SPRYD3: variants seen among roughly 807,000 people sequenced by gnomAD.
SPRYD3 encodes SPRY domain-containing protein 3.
SPRYD3 carries 17 observed loss-of-function variants against 50.1 expected under a neutral mutation model. The ratio of observed to expected loss-of-function variants is 0.34; its 90% CI spans 0.23 to 0.51. SPRYD3 has a LOEUF of 0.51. Among genes scored for constraint, SPRYD3 ranks in the 20% least tolerant of loss-of-function variants. The pLI, the probability that SPRYD3 is intolerant of heterozygous loss-of-function variation, is 0.97. For synonymous variants in SPRYD3, 198 were observed against 215.5 expected (o/e 0.92, Z 0.71); for missense variants, 401 against 591.2 (o/e 0.68, Z 3.34).
chr12:53,069,484 G>A (rs1235341814), intron 6 of SPRYD3, among the ~76,000 whole-genome samples: 2 of 140,324 alleles, frequency 1.4e-5, no homozygotes, highest in South Asian at 2.2e-4. Context: ...AGCCTCAGAC[G>A]GCCGCTGCTT....
chr12:53,073,843 C>CAAA (rs1179115235), intron 5 of SPRYD3, among the ~76,000 whole-genome samples: 1 of 63,636 alleles, frequency 1.6e-5, no homozygotes. Context: ...GACTCCATTT[C>CAAA]AAAAAAAAAA....
chr12:53,075,336 A>G lies in SPRYD3; in HGVS notation c.247-117T>C, dbSNP rs78643284. The G allele has an allele frequency of 2.2e-4, 241 of 1,095,610 alleles. 3 individuals carry two copies. In the East Asian group the frequency reaches 5.5e-3, roughly 25 times the overall value. The allele number at this position is 1,095,610 out of a possible 1,614,324, so 67.9% of individuals were successfully genotyped here. ...GCTGAGGCTCAAAAAGAAAAAGGAC[A>G]TGGGAATCAGGAAAAAAGATAAGAT... is the stretch of plus-strand genomic sequence containing the variant. On this transcript the variant is annotated intron_variant, in intron 3 of 10. Transcript: ENST00000301463.
Position 53,065,634 on chromosome 12 carries a change from G to T in SPRYD3, c.*198C>A. On this transcript the variant is annotated 3_prime_UTR_variant, in exon 11 of 11. Transcript: ENST00000301463. ...CTGTCCAACCAGGGACTCAGGCCCA[G>T]GGACTGACAACAGTGGCAGCACCAG... The T allele has an allele frequency of 1.7e-6, 1 of 595,482 alleles. No homozygotes were observed. The highest frequency in any genetic ancestry group is 3.0e-6 in the Non-Finnish European group (1 of 334,844). 36.9% of individuals were successfully genotyped at this position (595,482 alleles called of 1,614,324 possible). A position where few individuals can be genotyped will look rare whatever the true frequency, so the allele number is the denominator to read the frequency against.
intron 6 of SPRYD3, among the ~76,000 whole-genome samples, chr12:53,070,362 C>T (rs536070216): frequency 2.0e-5 from 3 of 152,272 alleles, no homozygotes; most frequent in South Asian, 4.1e-4. Context: ...TATTTGGCCT[C>T]CCTGACAGAT....
chr12:53,073,256 G>GCCCCGGGGGGGGCC, intron 6 of SPRYD3, 30 bp downstream of exon 6: 2 of 424,134 alleles, frequency 4.7e-6, no homozygotes, highest in Non-Finnish European at 4.4e-6. Flanking sequence ...CTCCGACCCA[G>GCCCCGGGGGGGGCC]CCCCTCCCAC....
chr12:53,066,245 T>C, intron 10 of SPRYD3, 69 bp downstream of exon 10: 1 of 1,567,614 alleles, frequency 6.4e-7, no homozygotes, highest in Non-Finnish European at 8.7e-7. Flanking sequence ...TGAGTTCTGT[T>C]CCCCACTAAT....
chr12:53,066,226 C>T, intron 10 of SPRYD3, 88 bp downstream of exon 10: 1 of 1,552,532 alleles, frequency 6.4e-7, no homozygotes, highest in South Asian at 1.2e-5. Context: ...GTCTTTCCCA[C>T]CCTGGTTGTG....
intron 8 of SPRYD3, among the ~76,000 whole-genome samples, chr12:53,066,933 C>T (rs779570545): frequency 2.2e-4 from 33 of 151,934 alleles, no homozygotes; most frequent in Non-Finnish European, 3.1e-4. Flanking sequence ...GCCAGCATGG[C>T]GAAACATCTC....
intron 2 of SPRYD3, 70 bp downstream of exon 2, chr12:53,077,045 A>G: frequency 6.5e-7 from 1 of 1,534,514 alleles, no homozygotes; most frequent in Non-Finnish European, 8.9e-7. Flanking sequence ...AAAAGTTAAA[A>G]AAAAAAAACC....
At chr12:53,077,041 TA>T (rs376607939) in intron 2 of SPRYD3, 73 bp downstream of exon 2, 65,083 of 983,456 alleles carry the variant, frequency 0.066, 74 homozygotes, top group African/African-American at 0.084. Context: ...AAATAAAAGT[TA>T]AAAAAAAAAA....
Position 53,073,453 on chromosome 12 carries a change from G to T in SPRYD3, c.526C>A (p.Pro176Thr), listed in dbSNP as rs981581377. The T allele has an allele frequency of 6.4e-7, 1 of 1,555,548 alleles. No homozygotes were observed. Among genetic ancestry groups the T allele is most frequent in the Non-Finnish European group, 8.7e-7 (1 of 1,146,734 alleles). The change falls in exon 6 of 11, where the codon CCC (proline) becomes ACC (threonine). Residue 176 changes from proline to threonine, a missense_variant. Transcript: ENST00000301463. ...NGKRVGSTIM[P>T]MSPDGLFPAV... ...GGGAACAGTCCATCTGGGGACATGG[G>T]CATGATGGTAGAGCCCACCTGCAGT...
At position 53,079,325 on chromosome 12, in the gene SPRYD3, C is replaced by T. The variant is rs569476611; in HGVS notation, c.9G>A (p.Arg3=). 6.2e-7 allele frequency: 1 copy of T among 1,608,984 alleles called. No individual in the cohort carries two copies. Among genetic ancestry groups the T allele is most frequent in the Non-Finnish European group, 8.5e-7 (1 of 1,177,968 alleles). Residue 3 remains arginine (R), a synonymous_variant, in exon 1 of 11, where the codon AGG becomes AGA. Coordinates refer to ENST00000301463, the MANE Select transcript of SPRYD3 (RefSeq NM_032840.3). MR[R]TRRPRFVLMN... ...TCCCCGCCTACCGGGGCCGCCGCGTCCTCCTCATCCATAGGCCTCTCAGCT... is the reference window on the plus strand; with the variant it reads ...TCCCCGCCTACCGGGGCCGCCGCGTTCTCCTCATCCATAGGCCTCTCAGCT...
Position 53,066,433 on chromosome 12 carries a change from C to T in SPRYD3, c.1075G>A (p.Val359Ile), listed in dbSNP as rs375605150. 64 of 1,614,044 alleles carry T rather than the reference C, an allele frequency of 4.0e-5. No homozygotes were observed. Among genetic ancestry groups the T allele is most frequent in the South Asian group, 1.1e-4 (10 of 91,086 alleles). ...TVILSPTARA[V>I]RNVRNVMYLH... ...TACATGACATTCCGCACGTTCCGGA[C>T]GGCCCGGGCAGTCGGAGACAGGATC... The change falls in exon 10 of 11, where the codon GTC (valine) becomes ATC (isoleucine). Residue 359 changes from valine (V) to isoleucine (I), a missense_variant. Transcript: ENST00000301463.
chr12:53,079,242 C>T (rs1189215685), intron 1 of SPRYD3, 69 bp downstream of exon 1: 7 of 1,518,568 alleles, frequency 4.6e-6, no homozygotes, highest in African/African-American at 1.4e-5. Flanking sequence ...CGCCCAGGAC[C>T]CCCGCCTTCC....
At chr12:53,078,010 C>T in intron 1 of SPRYD3, 2 of 410,120 alleles carry the variant, frequency 4.9e-6, no homozygotes, top group Non-Finnish European at 1.0e-5. Context: ...CGTAGTGAGA[C>T]CTCATCTCTA....
Position 53,075,041 on chromosome 12 carries a change from C to T in SPRYD3, c.371+54G>A. The T allele has an allele frequency of 3.1e-6, 5 of 1,597,524 alleles. No individual in the cohort carries two copies. The South Asian group carries it at 5.5e-5, about 18-fold the overall frequency. On this transcript the variant is annotated intron_variant, in intron 4 of 10. Coordinates refer to ENST00000301463, the MANE Select transcript of SPRYD3 (RefSeq NM_032840.3). Reference sequence around the variant, plus strand: ...GCCAGCCCAAGGTAGTTCTTCAGATCTAAGATTCCCAAATTCATAGGAAAA... The same window carrying T: ...GCCAGCCCAAGGTAGTTCTTCAGATTTAAGATTCCCAAATTCATAGGAAAA...
chr12:53,078,192 A>G, intron 1 of SPRYD3: 1 of 411,180 alleles, frequency 2.4e-6, no homozygotes, highest in South Asian at 1.7e-5. Flanking sequence ...AAAAAAAGAA[A>G]AAAAAATGCC....
At chr12:53,073,256 G>GGCCCCGGGGGGGGGGGGCC in intron 6 of SPRYD3, 30 bp downstream of exon 6, 7 of 424,126 alleles carry the variant, frequency 1.7e-5, no homozygotes, top group East Asian at 3.8e-5. Context: ...CTCCGACCCA[G>GGCCCCGGGGGGGGGGGGCC]CCCCTCCCAC....
intron 6 of SPRYD3, among the ~76,000 whole-genome samples, chr12:53,071,060 T>A (rs1039666362): frequency 6.6e-6 from 1 of 152,136 alleles, no homozygotes; most frequent in African/African-American, 2.4e-5. Flanking sequence ...TCTTCTCCCC[T>A]GCCGGTATCC....
Sources: gnomAD v4.1 joint callset for allele counts (sites outside exome capture counted in the v4.1 genomes callset) on GRCh38, gnomAD v4.1.1 for gene constraint, MANE v1.5 for transcripts, NCBI Gene and HGNC (gene_info 2026-07-23, HGNC 2026-07-21) for gene names.